CASZ1: variants seen among roughly 807,000 people sequenced by gnomAD.
The protein encoded by CASZ1 is zinc finger protein castor homolog 1.
Under a neutral mutation model 135.2 loss-of-function variants are expected in CASZ1, and 28 were observed. That is an observed-to-expected ratio of 0.21 (90% CI 0.15 to 0.28). The LOEUF is 0.28. CASZ1 is among the 10% of genes least tolerant of loss of function. The pLI, the probability that CASZ1 is intolerant of heterozygous loss-of-function variation, is 1.00. For synonymous variants in CASZ1, 1,068 were observed against 1,073.4 expected (o/e 0.99, Z 0.10); for missense variants, 2,161 against 2,453.3 (o/e 0.88, Z 2.52).
Position 10,747,555 on chromosome 1 carries a change from A to G in CASZ1, c.-77+13146T>C, listed in dbSNP as rs1640067378. Among the ~76,000 whole-genome samples the G allele has an allele frequency of 1.3e-5, 2 of 152,170 alleles. No homozygotes were observed. The highest frequency in any genetic ancestry group is 1.3e-4 in the Admixed American group (2 of 15,274). On this transcript the variant is annotated intron_variant, in intron 2 of 20. Transcript: ENST00000377022. This position sits in a 1 kb window ranked among gnomAD's most constrained non-coding sequence, Gnocchi z 4.3. ...CTGCAGTCCCTGTCCCGGGCTTTGC[A>G]GAGTGGGGAGAAGGTGAGGTGGGCT... is the stretch of plus-strand genomic sequence containing the variant.
At chr1:10,714,520 T>C in intron 2 of CASZ1, among the ~76,000 whole-genome samples, 1 of 152,140 alleles carries the variant, frequency 6.6e-6, no homozygotes, top group South Asian at 2.1e-4. Context: ...CCCACGAGGC[T>C]GGAGTGGCCA....
intron 4 of CASZ1, among the ~76,000 whole-genome samples, chr1:10,687,050 C>T (rs1326006341): frequency 1.3e-5 from 2 of 152,190 alleles, no homozygotes; most frequent in Non-Finnish European, 2.9e-5. Context: ...AGGCACTTCC[C>T]GGTGACAAAA....
Position 10,647,339 on chromosome 1 carries a change from A to G in CASZ1, c.3497+462T>C. The G allele has an allele frequency of 9.8e-7, 1 of 1,017,110 alleles. No individual in the cohort carries two copies. Among genetic ancestry groups the G allele is most frequent in the Non-Finnish European group, 1.2e-6 (1 of 848,502 alleles). 63.0% of individuals were successfully genotyped at this position (1,017,110 alleles called of 1,614,324 possible). A position where few individuals can be genotyped will look rare whatever the true frequency, so the allele number is the denominator to read the frequency against. On this transcript the variant is annotated intron_variant, in intron 16 of 20. Coordinates refer to ENST00000377022, the MANE Select transcript of CASZ1 (RefSeq NM_001079843.3). The surrounding 1 kb of genome is among the most constrained non-coding windows in gnomAD (Gnocchi z 4.9). ...GAGGGTCCCTTCCACCCAAGAGCTC[A>G]GACCACTGTGCAGGCCAGTGACGGC... is the stretch of plus-strand genomic sequence containing the variant.
chr1:10,663,734 C>T (rs766045524), intron 5 of CASZ1, among the ~76,000 whole-genome samples: 4 of 152,260 alleles, frequency 2.6e-5, no homozygotes, highest in Non-Finnish European at 5.9e-5. Context: ...CAAGGCTCCG[C>T]TGTCTGTGTC....
rs939605057 is a variant in CASZ1 at position 10,679,756 on chromosome 1, G to C, written c.16+14118C>G. On this transcript the variant is annotated intron_variant, in intron 4 of 20. Transcript: ENST00000377022. This position sits in a 1 kb window ranked among gnomAD's most constrained non-coding sequence, Gnocchi z 4.7. ...TTCAGGTTTTCCATACTACAACCCC[G>C]AGTGTCACCACAGGGTCCGGCCCAA... Among the ~76,000 whole-genome samples, 1 of 152,170 alleles carries C rather than the reference G, an allele frequency of 6.6e-6. No individual in the cohort carries two copies. Among genetic ancestry groups the C allele is most frequent in the Non-Finnish European group, 1.5e-5 (1 of 68,030 alleles).
At chr1:10,749,175 G>C (rs568408732) in intron 2 of CASZ1, among the ~76,000 whole-genome samples, 1 of 152,046 alleles carries the variant, frequency 6.6e-6, no homozygotes, top group African/African-American at 2.4e-5. Context: ...TGGTCTCCAC[G>C]ACATGCCCTC....
At chr1:10,687,301 C>T (rs962338065) in intron 4 of CASZ1, among the ~76,000 whole-genome samples, 1 of 152,250 alleles carries the variant, frequency 6.6e-6, no homozygotes, top group African/African-American at 2.4e-5. Context: ...GCCTTCTCCT[C>T]CAAAGCCAGG....
At chr1:10,692,129 C>T (rs867135678) in intron 4 of CASZ1, among the ~76,000 whole-genome samples, 8 of 152,190 alleles carry the variant, frequency 5.3e-5, no homozygotes, top group African/African-American at 1.9e-4. Context: ...GGGAGGCCCT[C>T]GCTCCAGTCA....
chr1:10,786,087 C>T (rs58708213), intron 1 of CASZ1, among the ~76,000 whole-genome samples: 15,634 of 152,236 alleles, frequency 0.1, 1,079 homozygotes, highest in African/African-American at 0.19. Flanking sequence ...CTCGTGGGCA[C>T]GACTCTGGGA....
chr1:10,645,069 C>A lies in CASZ1; in HGVS notation c.3716G>T (p.Arg1239Leu). 1.9e-6 allele frequency: 3 copies of A among 1,613,838 alleles called. No individual in the cohort carries two copies. Among genetic ancestry groups the A allele is most frequent in the Non-Finnish European group, 2.5e-6 (3 of 1,179,944 alleles). ...GGTGCGGAGGCAGTGGTAGTGCCCA[C>A]GCATTCGGAACTCGCAGTGCTGCAG... The part of the protein sequence containing the change: ...CPNQHCEFRM[R>L]GHYHCLRTGC... Residue 1239 changes from arginine (R) to leucine (L), a missense_variant, in exon 18 of 21, where the codon CGT becomes CTT. Arg to Leu is a moderately radical substitution (Grantham distance 102, BLOSUM62 -2). This residue lies in a region of CASZ1 where 349 missense variants were observed against 460.8 expected (regional missense o/e 0.76). Coordinates refer to ENST00000377022, the MANE Select transcript of CASZ1 (RefSeq NM_001079843.3).
intron 4 of CASZ1, among the ~76,000 whole-genome samples, chr1:10,675,346 C>T (rs908139346): frequency 1.6e-4 from 24 of 152,214 alleles, no homozygotes; most frequent in Admixed American, 4.6e-4. Context: ...GCCAGGGAGT[C>T]CTGAGGCCTA....
rs920426701 is a variant in CASZ1 at position 10,762,643 on chromosome 1, T to C, written c.-233-1786A>G. Among the ~76,000 whole-genome samples, 2 of 152,086 alleles carry C rather than the reference T, an allele frequency of 1.3e-5. No individual in the cohort carries two copies. Among genetic ancestry groups the C allele is most frequent in the Non-Finnish European group, 2.9e-5 (2 of 68,012 alleles). The stretch of plus-strand genomic sequence containing the variant: ...CATCTGCTGGGGGTCTCCACTCCAA[T>C]ATCCCATCAGAACGAACCCACCTAA... On this transcript the variant is annotated intron_variant, in intron 1 of 20. Coordinates refer to ENST00000377022, the MANE Select transcript of CASZ1 (RefSeq NM_001079843.3). The surrounding 1 kb of genome is among the most constrained non-coding windows in gnomAD (Gnocchi z 4.1).
At chr1:10,688,815 G>A (rs1005451972) in intron 4 of CASZ1, among the ~76,000 whole-genome samples, 1 of 152,192 alleles carries the variant, frequency 6.6e-6, no homozygotes, top group African/African-American at 2.4e-5. Context: ...GTCCCGGCGA[G>A]GCTGCCCCTC....
rs1020126403 is a variant in CASZ1 at position 10,709,674 on chromosome 1, A to G, written c.-76-4130T>C. 6.6e-6 allele frequency among the ~76,000 whole-genome samples: 1 copy of G among 152,106 alleles called. No individual in the cohort carries two copies. The highest frequency in any genetic ancestry group is 1.5e-5 in the Non-Finnish European group (1 of 68,016). On this transcript the variant is annotated intron_variant, in intron 2 of 20. Coordinates refer to ENST00000377022, the MANE Select transcript of CASZ1 (RefSeq NM_001079843.3). This position sits in a 1 kb window ranked among gnomAD's most constrained non-coding sequence, Gnocchi z 5.1. ...AGAGAGGAGAAAAGAAAGCGAATCA[A>G]AGTGCTGCCCGGAGGACGGCTGGGG...
At chr1:10,796,267 G>C (rs1042505790) in intron 1 of CASZ1, among the ~76,000 whole-genome samples, 1 of 151,376 alleles carries the variant, frequency 6.6e-6, no homozygotes, top group Non-Finnish European at 1.5e-5. Context: ...CCCCTCCCCC[G>C]GAGCCGCGCG....
rs1465345359 is a variant in CASZ1, at chr1:10,694,766, C to T, written c.-23-854G>A. Among the ~76,000 whole-genome samples the T allele has an allele frequency of 1.4e-5, 2 of 145,222 alleles. No individual in the cohort carries two copies. Among genetic ancestry groups the T allele is most frequent in the Non-Finnish European group, 3.1e-5 (2 of 65,370 alleles). On this transcript the variant is annotated intron_variant, in intron 3 of 20. Transcript: ENST00000377022. The surrounding 1 kb of genome is among the most constrained non-coding windows in gnomAD (Gnocchi z 6.6). ...TCCATTGGCTCTGCGATTCCCCAAA[C>T]CTCTGGCTCCGGGAGGAGGAGGCGG...
Position 10,647,717 on chromosome 1 carries a change from A to G in CASZ1, c.3497+84T>C, listed in dbSNP as rs377422561. 1.3e-6 allele frequency: 2 copies of G among 1,590,024 alleles called. No individual in the cohort carries two copies. Among genetic ancestry groups the G allele is most frequent in the East Asian group, 2.2e-5 (1 of 44,664 alleles). On this transcript the variant is annotated intron_variant, in intron 16 of 20. Transcript: ENST00000377022. This position sits in a 1 kb window ranked among gnomAD's most constrained non-coding sequence, Gnocchi z 4.9. ...GACAGCAGCACCATCCGCAGTGAGG[A>G]ACAGGGCCTCCTAGCGCCCTTGCTA...
chr1:10,653,500 C>T lies in CASZ1; in HGVS notation c.2557G>A (p.Ala853Thr), dbSNP rs576823495. 72 of 1,610,834 alleles carry T rather than the reference C, an allele frequency of 4.5e-5. No individual in the cohort carries two copies. Among genetic ancestry groups the T allele is most frequent in the South Asian group, 1.3e-4 (12 of 90,918 alleles). Reference protein sequence around the residue: ...GAGDSAPVAAASVPAPPASIM... With the variant: ...GAGDSAPVAATSVPAPPASIM... The stretch of plus-strand genomic sequence containing the variant: ...GAGGCGGGTGGTGCCGGGACAGAGG[C>T]GGCAGCCACGGGGGCTGAGTCTCCA... Residue 853 changes from alanine to threonine, a missense_variant, in exon 11 of 21, where the codon GCC (alanine) becomes ACC (threonine). By Grantham distance (58) the Ala-to-Thr change is moderately conservative (BLOSUM62 0). Around this residue, in one of 7 missense-constraint regions of CASZ1, gnomAD observed 406 missense variants for 387.6 expected, o/e 1.05. Transcript: ENST00000377022.
chr1:10,755,161 A>G lies in CASZ1; in HGVS notation c.-77+5540T>C, dbSNP rs1640226835. Among the ~76,000 whole-genome samples the G allele has an allele frequency of 6.6e-6, 1 of 152,196 alleles. No individual in the cohort carries two copies. The highest frequency in any genetic ancestry group is 1.5e-5 in the Non-Finnish European group (1 of 68,022). On this transcript the variant is annotated intron_variant, in intron 2 of 20. Transcript: ENST00000377022. This position sits in a 1 kb window ranked among gnomAD's most constrained non-coding sequence, Gnocchi z 4.3. The stretch of plus-strand genomic sequence containing the variant: ...TGGCAGCATCCAGGGGTCCCGCGGA[A>G]GGTGGGCAGCAAGGGGATCACTGGC...
Sources: gnomAD v4.1 joint callset for allele counts (sites outside exome capture counted in the v4.1 genomes callset) on GRCh38, gnomAD v4.1.1 for gene constraint, gnomAD v4.1.1 regional missense constraint, Gnocchi (gnomAD v3.1) non-coding constraint, MANE v1.5 for transcripts, NCBI Gene and HGNC (gene_info 2026-07-23, HGNC 2026-07-21) for gene names.